Variants in FBN3 observed in about 807,000 individuals in gnomAD.
FBN3 encodes the protein fibrillin 3.
In FBN3, 234 loss-of-function variants were observed where a neutral mutation model predicts 330.1. The observed-to-expected ratio is 0.71, with a 90% CI of 0.64 to 0.79. The LOEUF (loss-of-function observed/expected upper bound fraction) is 0.79, where lower values mean the gene tolerates loss of function less well. Ranked by LOEUF, FBN3 falls within the 30% of genes least tolerant of loss-of-function variation. FBN3 has a pLI of 0.00. For missense variants in FBN3, 3,606 were observed against 3,886.9 expected (o/e 0.93, Z 1.92); for synonymous variants, 1,458 against 1,517.3 (o/e 0.96, Z 0.91).
At chr19:8,125,853 G>T in intron 22 of FBN3, 39 bp downstream of exon 22, 1 of 1,556,096 alleles carries the variant, frequency 6.4e-7, no homozygotes, top group East Asian at 2.3e-5. Flanking sequence ...AACAAAGGAA[G>T]AACGTGTGGC....
In FBN3 at chr19:8,089,602, A is replaced by G; in HGVS notation, c.6319T>C (p.Phe2107Leu). 1 of 1,614,206 alleles carries G rather than the reference A, an allele frequency of 6.2e-7. No homozygotes were observed. The highest frequency in any genetic ancestry group is 1.3e-5 in the African/African-American group (1 of 75,064). The change falls in exon 51 of 64, where the codon TTC becomes CTC. Residue 2107 changes from phenylalanine (F) to leucine (L), a missense_variant. Phe to Leu is a conservative substitution (Grantham distance 22). Coordinates refer to ENST00000600128, the MANE Select transcript of FBN3 (RefSeq NM_032447.5). ...TAGCCAAAGGGACACTCACAGCGGA[A>G]GGATCCATCGGTGTTGACACAGACG... ...NGVCVNTDGS[F>L]RCECPFGYSL... is the part of the protein sequence containing the mutation.
chr19:8,105,686 G>A (rs2082422659), intron 38 of FBN3, among the ~76,000 whole-genome samples: 1 of 152,198 alleles, frequency 6.6e-6, no homozygotes, highest in African/African-American at 2.4e-5. Context: ...ATATTAGCAT[G>A]GTAAGAGTGA....
rs200333959 is a variant in FBN3, at chr19:8,072,086, G to T, written c.8050C>A (p.Arg2684=). The change falls in exon 63 of 64, where the codon CGG becomes AGG. Residue 2684 remains arginine, a synonymous_variant. Transcript: ENST00000600128. ...TGGGCACTGCGTCGTGGCCGGTCCC[G>T]AGGGGAGAGGCCATTGATCTTGCAT... ...YECKINGLSP[R]DRPRRSAHRD... is the part of the protein sequence containing the mutation. The T allele has an allele frequency of 1.9e-6, 3 of 1,612,622 alleles. No individual in the cohort carries two copies. The highest frequency in any genetic ancestry group is 2.5e-6 in the Non-Finnish European group (3 of 1,179,686).
rs1462427421 is a variant in FBN3, at chr19:8,096,312, G to T, written c.5539+132C>A. 2 of 1,173,640 alleles carry T rather than the reference G, an allele frequency of 1.7e-6. No homozygotes were observed. The highest frequency in any genetic ancestry group is 3.0e-5 in the South Asian group (2 of 65,846). 72.7% of individuals were successfully genotyped at this position (1,173,640 alleles called of 1,614,324 possible). A position where few individuals can be genotyped will look rare whatever the true frequency, so the allele number is the denominator to read the frequency against. On this transcript the variant is annotated intron_variant, in intron 44 of 63. Transcript: ENST00000600128. This position sits in a 1 kb window ranked among gnomAD's most constrained non-coding sequence, Gnocchi z 4.6. The stretch of plus-strand genomic sequence containing the variant: ...GGAGGCAGATCAACCATTTACCCAA[G>T]ATCTTAATCTCAGGACCCAAACTTG...
chr19:8,129,313 C>T lies in FBN3; in HGVS notation c.2097G>A (p.Glu699=). 6.2e-7 allele frequency: 1 copy of T among 1,614,176 alleles called. No homozygotes were observed. The highest frequency in any genetic ancestry group is 1.1e-5 in the South Asian group (1 of 91,072). The change falls in exon 17 of 64, where the codon GAG becomes GAA. Residue 699 remains glutamate, a synonymous_variant. Coordinates refer to ENST00000600128, the MANE Select transcript of FBN3 (RefSeq NM_032447.5). This position sits in a 1 kb window ranked among gnomAD's most constrained non-coding sequence, Gnocchi z 4.5. ...CACAGCGGTAGCTGCCCCGAAGGTTCTCGCACACGCCATTGGCACAAACCT... is the reference window on the plus strand; with the variant it reads ...CACAGCGGTAGCTGCCCCGAAGGTTTTCGCACACGCCATTGGCACAAACCT... ...DPEVCANGVC[E]NLRGSYRCVC... is the part of the protein sequence containing the mutation.
chr19:8,126,076 A>G (rs2082974787), intron 21 of FBN3, 59 bp from the exon 22 acceptor site: 3 of 1,608,682 alleles, frequency 1.9e-6, no homozygotes, highest in Non-Finnish European at 2.5e-6. Flanking sequence ...CTGGCTGGCC[A>G]TTCCCCTGGG....
chr19:8,121,041 T>C lies in FBN3; in HGVS notation c.3211+217A>G, dbSNP rs1415995327. On this transcript the variant is annotated intron_variant, in intron 25 of 63. Coordinates refer to ENST00000600128, the MANE Select transcript of FBN3 (RefSeq NM_032447.5). The surrounding 1 kb of genome is among the most constrained non-coding windows in gnomAD (Gnocchi z 4.5). ...CCCTCCCTGGGAGACCACACCCCAGTGTGCCGGCCACCCCCAGGTCTCAGG... is the reference window on the plus strand; with the variant it reads ...CCCTCCCTGGGAGACCACACCCCAGCGTGCCGGCCACCCCCAGGTCTCAGG... Among the ~76,000 whole-genome samples, 2 of 152,006 alleles carry C rather than the reference T, an allele frequency of 1.3e-5. No homozygotes were observed. Among genetic ancestry groups the C allele is most frequent in the Admixed American group, 1.3e-4 (2 of 15,270 alleles).
chr19:8,102,607 C>G, intron 40 of FBN3, 117 bp downstream of exon 40: 1 of 1,025,914 alleles, frequency 9.7e-7, no homozygotes, highest in Non-Finnish European at 1.5e-6. Context: ...AACTTCAACT[C>G]TCTGGCTCTC....
At chr19:8,115,784 C>T in intron 29 of FBN3, 144 bp from the exon 30 acceptor site, 1 of 945,438 alleles carries the variant, frequency 1.1e-6, no homozygotes, top group Non-Finnish European at 1.6e-6. Context: ...TTTCTTTTCT[C>T]CAGGGGCGGG....
chr19:8,118,588 CACAT>C (rs1190057096), intron 26 of FBN3, among the ~76,000 whole-genome samples: 5 of 149,738 alleles, frequency 3.3e-5, no homozygotes, highest in Non-Finnish European at 5.9e-5. Context: ...ACTCACTCCT[CACAT>C]ACAAACACTC....
intron 41 of FBN3, among the ~76,000 whole-genome samples, chr19:8,100,420 C>CT (rs1174236086): frequency 1.3e-5 from 2 of 152,130 alleles, no homozygotes; most frequent in Non-Finnish European, 2.9e-5. Context: ...TCACTGCAAC[C>CT]TTTGCCTCCT....
chr19:8,130,962 A>G (rs1385301928), intron 16 of FBN3, among the ~76,000 whole-genome samples: 1 of 152,120 alleles, frequency 6.6e-6, no homozygotes, highest in East Asian at 1.9e-4. Context: ...AAGAAATGCC[A>G]AAGATTGCTG....
chr19:8,079,970 C>T lies in FBN3; in HGVS notation c.7453+1033G>A, dbSNP rs913261843. 2.6e-4 allele frequency among the ~76,000 whole-genome samples: 37 copies of T among 142,394 alleles called. 1 individual carries two copies. Among genetic ancestry groups the T allele is most frequent in the Non-Finnish European group, 4.9e-5 (3 of 61,634 alleles). The allele number at this position is 142,394 out of a possible 152,430, so 93.4% of individuals were successfully genotyped here. On this transcript the variant is annotated intron_variant, in intron 59 of 63. Transcript: ENST00000600128. ...AAGGAAAGTTCCATGATGGAAGATC[C>T]CTGCCTTTTATGTTTGTTGCTGTAC...
At position 8,131,266 on chromosome 19, in the gene FBN3, G is replaced by A. The variant is rs752595221; in HGVS notation, c.2013C>T (p.Ser671=). Residue 671 remains serine (S), a synonymous_variant, in exon 16 of 64, where the codon AGC becomes AGT. Transcript: ENST00000600128. This position sits in a 1 kb window ranked among gnomAD's most constrained non-coding sequence, Gnocchi z 4.5. ...CATCCGTGGTAATGCCAAGCCCACTGCTGCACAGTGCCTGGAACTCAGCTG... is the reference window on the plus strand; with the variant it reads ...CATCCGTGGTAATGCCAAGCCCACTACTGCACAGTGCCTGGAACTCAGCTG... The part of the protein sequence containing the change: ...KDSAEFQALC[S]SGLGITTDGR... The A allele has an allele frequency of 1.2e-6, 2 of 1,611,762 alleles. No individual in the cohort carries two copies. Among genetic ancestry groups the A allele is most frequent in the East Asian group, 2.2e-5 (1 of 44,844 alleles).
rs1420612896 is a variant in FBN3 at position 8,144,954 on chromosome 19, C to T, written c.464G>A (p.Cys155Tyr). 3 of 1,610,838 alleles carry T rather than the reference C, an allele frequency of 1.9e-6. No homozygotes were observed. Among genetic ancestry groups the T allele is most frequent in the South Asian group, 1.1e-5 (1 of 90,088 alleles). ...VCGQPICDRG[C>Y]HNGGRCIGPN... ...CCCAATGCAGCGACCCCCATTGTGG[C>T]AGCCGCGGTCACAGATGGCTGTGGA... Residue 155 changes from cysteine to tyrosine, a missense_variant, in exon 6 of 64, where the codon TGC (cysteine) becomes TAC (tyrosine). Transcript: ENST00000600128.
intron 47 of FBN3, among the ~76,000 whole-genome samples, chr19:8,093,387 G>T (rs916726343): frequency 6.6e-6 from 1 of 152,104 alleles, no homozygotes; most frequent in African/African-American, 2.4e-5. Context: ...ACTTTGGGAG[G>T]CCAAGGCGGG....
chr19:8,107,154 T>C (rs1439029224), intron 37 of FBN3, among the ~76,000 whole-genome samples: 1 of 140,006 alleles, frequency 7.1e-6, no homozygotes, highest in Admixed American at 7.1e-5. Flanking sequence ...GAAGGATGGA[T>C]GAATGGGTAG....
intron 63 of FBN3, among the ~76,000 whole-genome samples, chr19:8,068,717 TAAATAAATAATA>T (rs938583688): frequency 8.1e-6 from 1 of 122,800 alleles, no homozygotes; most frequent in Non-Finnish European, 1.9e-5. Flanking sequence ...AATAAATAAA[TAAATAAATAATA>T]AATCAATAAA....
At position 8,081,103 on chromosome 19, in the gene FBN3, G is replaced by C. The variant is rs748727434; in HGVS notation, c.7353C>G (p.Thr2451=). 1 of 1,613,712 alleles carries C rather than the reference G, an allele frequency of 6.2e-7. No individual in the cohort carries two copies. The highest frequency in any genetic ancestry group is 8.5e-7 in the Non-Finnish European group (1 of 1,179,912). ...GGAACTGACAGTTGTGCTGCCGGGA[G>C]GTGCATTCGTCCAGGTCTGCAGCAC... ...GRTCKDLDEC[T]SRQHNCQFLC... is the part of the protein sequence containing the mutation. The change falls in exon 59 of 64, where the codon ACC becomes ACG. Residue 2451 remains threonine, a synonymous_variant. Coordinates refer to ENST00000600128, the MANE Select transcript of FBN3 (RefSeq NM_032447.5).
Sources: gnomAD v4.1 joint callset for allele counts (sites outside exome capture counted in the v4.1 genomes callset) on GRCh38, gnomAD v4.1.1 for gene constraint, Gnocchi (gnomAD v3.1) non-coding constraint, MANE v1.5 for transcripts, NCBI Gene and HGNC (gene_info 2026-07-23, HGNC 2026-07-21) for gene names.